Variants in TPRG1 observed in about 807,000 individuals in gnomAD.
TPRG1 encodes tumor protein p63-regulated gene 1 protein.
A neutral mutation model predicts 29.3 loss-of-function variants in TPRG1; 29 were observed. That is an observed-to-expected ratio of 0.99 (90% confidence interval 0.74 to 1.35). TPRG1 has a LOEUF of 1.35. Among genes scored for constraint, TPRG1 ranks in the 40% most tolerant of loss-of-function variants. The pLI, the probability that TPRG1 is intolerant of heterozygous loss-of-function variation, is 0.00. For missense variants in TPRG1, 327 were observed against 335.0 expected (o/e 0.98, Z 0.19); for synonymous variants, 130 against 116.8 (o/e 1.11, Z -0.73).
At chr3:189,128,700 C>T (rs1170004075) in intron 2 of TPRG1, among the ~76,000 whole-genome samples, 1 of 152,148 alleles carries the variant, frequency 6.6e-6, no homozygotes, top group Non-Finnish European at 1.5e-5. Flanking sequence ...GCTGAGAGAG[C>T]TTAGGTAACT....
intron 4 of TPRG1, among the ~76,000 whole-genome samples, chr3:189,149,078 C>A (rs1244138263): frequency 6.6e-6 from 1 of 152,150 alleles, no homozygotes; most frequent in Non-Finnish European, 1.5e-5. Flanking sequence ...GGTTCTAGAT[C>A]TTTTTCTATC....
intron 4 of TPRG1, among the ~76,000 whole-genome samples, chr3:189,244,084 A>T (rs1372392480): frequency 6.6e-6 from 1 of 152,064 alleles, no homozygotes; most frequent in Non-Finnish European, 1.5e-5. Context: ...TTTCTGTATT[A>T]TTCTGTTCTC....
At chr3:189,039,061 G>A (rs1269940169) in intron 4 of TPRG1, among the ~76,000 whole-genome samples, 5 of 152,334 alleles carry the variant, frequency 3.3e-5, no homozygotes, top group East Asian at 1.9e-4. Flanking sequence ...TCTGTTGGAA[G>A]TATATGTATA....
rs200541402 is a variant in TPRG1, at chr3:189,320,801, G to A, written c.809G>A (p.Arg270His). 83 of 1,596,670 alleles carry A rather than the reference G, an allele frequency of 5.2e-5. No homozygotes were observed. Among genetic ancestry groups the A allele is most frequent in the African/African-American group, 2.2e-4 (16 of 74,078 alleles). ...AACAAACTTGGCTATTCCCTTGCCC[G>A]TGGGAGTATTGGTTTTTGAGAGTCT... ...NRNKLGYSLA[R>H]GSIGF The change falls in exon 6 of 6, where the codon CGT becomes CAT. Residue 270 changes from arginine to histidine, a missense_variant. Arg to His is a conservative substitution (Grantham distance 29, BLOSUM62 0). Transcript: ENST00000345063.
intron 4 of TPRG1, among the ~76,000 whole-genome samples, chr3:189,059,003 A>G (rs1430623264): frequency 6.6e-6 from 1 of 152,194 alleles, no homozygotes; most frequent in Admixed American, 6.5e-5. Context: ...TAGCACTAGC[A>G]CTGAGGCTCC....
At chr3:189,061,637 A>G (rs962075478) in intron 4 of TPRG1, among the ~76,000 whole-genome samples, 4 of 151,934 alleles carry the variant, frequency 2.6e-5, no homozygotes, top group African/African-American at 7.2e-5. Flanking sequence ...ATACATGAAC[A>G]GACACTTTTC....
At chr3:189,087,245 C>T (rs1489355894) in intron 4 of TPRG1, among the ~76,000 whole-genome samples, 3 of 152,160 alleles carry the variant, frequency 2.0e-5, no homozygotes, top group African/African-American at 7.2e-5. Flanking sequence ...ATTTGCATTT[C>T]TCTGATGGCC....
chr3:189,268,728 T>G (rs1229226533), intron 4 of TPRG1, among the ~76,000 whole-genome samples: 1 of 152,214 alleles, frequency 6.6e-6, no homozygotes, highest in Non-Finnish European at 1.5e-5. Flanking sequence ...AGCGTCGTAA[T>G]AGCAAGATCC....
At chr3:189,007,116 A>G (rs61473949) in intron 3 of TPRG1, among the ~76,000 whole-genome samples, 6,211 of 152,098 alleles carry the variant, frequency 0.041, 421 homozygotes, top group African/African-American at 0.14. Flanking sequence ...GGCAACCTAC[A>G]AAATGGGAGA....
At chr3:189,305,173 G>A (rs1721432220) in intron 4 of TPRG1, among the ~76,000 whole-genome samples, 1 of 152,156 alleles carries the variant, frequency 6.6e-6, no homozygotes, top group Non-Finnish European at 1.5e-5. Context: ...TTGGAGGCCA[G>A]GGTAGAAGGA....
intron 2 of TPRG1, among the ~76,000 whole-genome samples, chr3:189,001,749 G>A (rs959226469): frequency 2.6e-5 from 4 of 151,892 alleles, no homozygotes; most frequent in African/African-American, 9.7e-5. Context: ...GGAAGTCATG[G>A]AAGTGAGTTT....
intron 1 of TPRG1, among the ~76,000 whole-genome samples, chr3:188,999,585 T>A (rs954377783): frequency 1.3e-5 from 2 of 152,114 alleles, no homozygotes; most frequent in Admixed American, 1.3e-4. Context: ...TTTTTTCTTA[T>A]GAGGAGAATA....
At chr3:189,134,856 C>T (rs902864112) in intron 3 of TPRG1, among the ~76,000 whole-genome samples, 1 of 152,144 alleles carries the variant, frequency 6.6e-6, no homozygotes, top group Non-Finnish European at 1.5e-5. Flanking sequence ...GCCCAGTGCT[C>T]TCTCCACTCT....
At chr3:189,264,861 A>G (rs371051551) in intron 4 of TPRG1, among the ~76,000 whole-genome samples, 1 of 152,232 alleles carries the variant, frequency 6.6e-6, no homozygotes, top group African/African-American at 2.4e-5. Flanking sequence ...CAAATGAATC[A>G]TTATTTTTAG....
intron 4 of TPRG1, among the ~76,000 whole-genome samples, chr3:189,262,805 C>A (rs879711340): frequency 2.0e-5 from 3 of 152,172 alleles, no homozygotes; most frequent in Non-Finnish European, 4.4e-5. Context: ...GCTGTGGCAT[C>A]TCAGGGCTTA....
intron 3 of TPRG1, among the ~76,000 whole-genome samples, chr3:189,009,879 C>T (rs987354022): frequency 2.6e-5 from 4 of 151,770 alleles, no homozygotes; most frequent in South Asian, 2.1e-4. Flanking sequence ...GTGGTTTGCG[C>T]GCAGATCATC....
At chr3:189,081,239 C>T (rs1415216776) in intron 4 of TPRG1, among the ~76,000 whole-genome samples, 1 of 151,896 alleles carries the variant, frequency 6.6e-6, no homozygotes, top group Non-Finnish European at 1.5e-5. Flanking sequence ...ATCAGTAGGC[C>T]ATGAGAATGA....
At chr3:189,315,079 GAGTCTGCAGTGCA>G (rs1723271357) in intron 5 of TPRG1, among the ~76,000 whole-genome samples, 1 of 152,076 alleles carries the variant, frequency 6.6e-6, no homozygotes, top group East Asian at 1.9e-4. Context: ...CCAGGAGTTC[GAGTCTGCAGTGCA>G]AGTCTGCAGT....
chr3:189,085,447 ATGTGTGTG>A (rs55935182), intron 4 of TPRG1, among the ~76,000 whole-genome samples: 10 of 121,934 alleles, frequency 8.2e-5, no homozygotes, highest in Admixed American at 1.6e-4. Flanking sequence ...GTGTGTGTGC[ATGTGTGTG>A]TGTGTGTGTG....
Sources: allele counts gnomAD v4.1 joint callset (sites outside exome capture counted in the v4.1 genomes callset), GRCh38; gene constraint gnomAD v4.1.1; transcripts MANE v1.5; gene names NCBI Gene and HGNC (gene_info 2026-07-23, HGNC 2026-07-21).